The following NHSL1 variants were observed in gnomAD, a reference collection of about 807,000 sequenced individuals.
The protein encoded by NHSL1 is NHS like 1.
A neutral mutation model predicts 95.0 loss-of-function variants in NHSL1; 48 were observed. The observed-to-expected ratio is 0.51, with a 90% CI of 0.40 to 0.64. The LOEUF (loss-of-function observed/expected upper bound fraction) is 0.64, where lower values mean the gene tolerates loss of function less well. Ranked by LOEUF, NHSL1 falls within the 30% of genes least tolerant of loss-of-function variation. NHSL1 has a pLI of 0.00. For missense variants in NHSL1, 1,971 were observed against 2,077.7 expected (o/e 0.95, Z 1.00); for synonymous variants, 783 against 833.9 (o/e 0.94, Z 1.05).
intron 1 of NHSL1, among the ~76,000 whole-genome samples, chr6:138,579,031 T>A (rs1562381363): frequency 6.6e-6 from 1 of 152,170 alleles, no homozygotes; most frequent in Non-Finnish European, 1.5e-5. Context: ...ATCAGCAGCA[T>A]GAGATTCTCA....
intron 1 of NHSL1, among the ~76,000 whole-genome samples, chr6:138,584,487 T>C (rs991042657): frequency 7.2e-5 from 11 of 152,236 alleles, no homozygotes; most frequent in Admixed American, 6.5e-4. Context: ...AGAAGGGCTA[T>C]TTAGTGAAGG....
intron 3 of NHSL1, among the ~76,000 whole-genome samples, chr6:138,455,419 C>T (rs2128227885): frequency 6.6e-6 from 1 of 152,148 alleles, no homozygotes; most frequent in East Asian, 1.9e-4. Flanking sequence ...TAATCTTGCC[C>T]TTTTGCTTAA....
chr6:138,515,887 C>T (rs1307138513), intron 1 of NHSL1, among the ~76,000 whole-genome samples: 1 of 152,188 alleles, frequency 6.6e-6, no homozygotes, highest in South Asian at 2.1e-4. Context: ...GACAGTGAAT[C>T]GTCTGGAGTT....
intron 3 of NHSL1, among the ~76,000 whole-genome samples, chr6:138,468,788 T>A (rs535842097): frequency 5.3e-5 from 8 of 152,204 alleles, no homozygotes; most frequent in Non-Finnish European, 1.0e-4. Flanking sequence ...ATTTGTACAA[T>A]GACCAATCAC....
intron 1 of NHSL1, among the ~76,000 whole-genome samples, chr6:138,648,892 T>A (rs1785053250): frequency 6.6e-6 from 1 of 151,514 alleles, no homozygotes. Context: ...AGATTGGGGG[T>A]GAGGAATGAA....
chr6:138,670,545 A>C (rs1461887164), intron 1 of NHSL1, among the ~76,000 whole-genome samples: 2 of 148,892 alleles, frequency 1.3e-5, no homozygotes, highest in Non-Finnish European at 3.0e-5. Context: ...GGGCGCCTGT[A>C]GTCCCAGCTA....
At chr6:138,636,961 C>T (rs546893562) in intron 1 of NHSL1, among the ~76,000 whole-genome samples, 1 of 152,074 alleles carries the variant, frequency 6.6e-6, no homozygotes, top group African/African-American at 2.4e-5. Context: ...AAAATCTATC[C>T]TAAGCAAAAA....
intron 4 of NHSL1, among the ~76,000 whole-genome samples, chr6:138,443,964 A>G (rs1432440168): frequency 6.6e-6 from 1 of 152,254 alleles, no homozygotes; most frequent in Non-Finnish European, 1.5e-5. Flanking sequence ...GACACACGTC[A>G]TTGAAGGCAC....
At chr6:138,493,256 C>A (rs562895974) in intron 2 of NHSL1, among the ~76,000 whole-genome samples, 3 of 152,236 alleles carry the variant, frequency 2.0e-5, no homozygotes, top group African/African-American at 7.2e-5. Flanking sequence ...AGGAATTTTC[C>A]AAAGTTATTA....
At chr6:138,578,866 G>T (rs9495142) in intron 1 of NHSL1, among the ~76,000 whole-genome samples, 39,418 of 152,038 alleles carry the variant, frequency 0.26, 8,477 homozygotes, top group African/African-American at 0.6. Context: ...AGACTATAAT[G>T]CCCCTGAGGC....
intron 3 of NHSL1, among the ~76,000 whole-genome samples, chr6:138,452,395 G>A (rs1777295022): frequency 6.6e-6 from 1 of 152,202 alleles, no homozygotes; most frequent in African/African-American, 2.4e-5. Flanking sequence ...TTTCTCAGAA[G>A]AGCCAACTGA....
intron 1 of NHSL1, among the ~76,000 whole-genome samples, chr6:138,513,661 A>C (rs1375195701): frequency 6.6e-6 from 1 of 152,202 alleles, no homozygotes; most frequent in Non-Finnish European, 1.5e-5. Context: ...ACAGAGGGCC[A>C]GTGGATTGGC....
At chr6:138,449,073 A>T (rs2128222216) in intron 3 of NHSL1, among the ~76,000 whole-genome samples, 1 of 149,960 alleles carries the variant, frequency 6.7e-6, no homozygotes, top group African/African-American at 2.4e-5. Context: ...AAAAAAAAAA[A>T]AATTCAAACA....
intron 3 of NHSL1, among the ~76,000 whole-genome samples, chr6:138,458,571 G>A (rs892831340): frequency 6.6e-6 from 1 of 151,986 alleles, no homozygotes; most frequent in African/African-American, 2.4e-5. Context: ...GCTCACACCT[G>A]TAATCCCAGC....
intron 1 of NHSL1, among the ~76,000 whole-genome samples, chr6:138,649,390 A>G (rs1164261015): frequency 6.6e-6 from 1 of 151,698 alleles, no homozygotes; most frequent in Non-Finnish European, 1.5e-5. Context: ...GGACCTATAT[A>G]TAATATATAT....
At chr6:138,671,715 G>C (rs748955771) in intron 1 of NHSL1, among the ~76,000 whole-genome samples, 3 of 152,138 alleles carry the variant, frequency 2.0e-5, no homozygotes, top group East Asian at 1.9e-4. Flanking sequence ...TGATAGGGTA[G>C]AGTTGAAAGT....
At chr6:138,671,772 T>A (rs1785374272) in intron 1 of NHSL1, among the ~76,000 whole-genome samples, 1 of 152,186 alleles carries the variant, frequency 6.6e-6, no homozygotes, top group African/African-American at 2.4e-5. Context: ...CAAAAAGCCG[T>A]TATTTATGTC....
chr6:138,430,077 TTGTTGCAACGTTTCTTTGCGC>T lies in NHSL1; in HGVS notation c.3953-255_3953-235del, dbSNP rs1212727453. Among the ~76,000 whole-genome samples, 1 of 152,228 alleles carries T rather than the reference TTGTTGCAACGTTTCTTTGCGC, an allele frequency of 6.6e-6. No homozygotes were observed. The highest frequency in any genetic ancestry group is 6.5e-5 in the Admixed American group (1 of 15,288). On this transcript the variant is annotated intron_variant, in intron 6 of 7. Coordinates refer to ENST00000343505, the MANE Select transcript of NHSL1 (RefSeq NM_001144060.2). This position sits in a 1 kb window ranked among gnomAD's most constrained non-coding sequence, Gnocchi z 4.7. ...ACGCCCATGGCATCTCTCTTAAATTTTGTTGCAACGTTTCTTTGCGCGGCTCTTCGGAAGGGAGGTGTTACC... is the reference window on the plus strand; with the variant it reads ...ACGCCCATGGCATCTCTCTTAAATTTGGCTCTTCGGAAGGGAGGTGTTACC...
chr6:138,566,931 C>T (rs560628937), intron 1 of NHSL1, among the ~76,000 whole-genome samples: 2 of 152,166 alleles, frequency 1.3e-5, no homozygotes, highest in South Asian at 2.1e-4. Flanking sequence ...TGTTAAGACA[C>T]GAAGGTAAAC....
Sources: gnomAD v4.1 joint callset for allele counts (sites outside exome capture counted in the v4.1 genomes callset) on GRCh38, gnomAD v4.1.1 for gene constraint, Gnocchi (gnomAD v3.1) non-coding constraint, MANE v1.5 for transcripts, NCBI Gene and HGNC (gene_info 2026-07-23, HGNC 2026-07-21) for gene names.